Variants in NRXN3 observed in about 807,000 individuals in gnomAD.
NRXN3 encodes neurexin 3.
Under a neutral mutation model 137.6 loss-of-function variants are expected in NRXN3, and 32 were observed. The observed-to-expected ratio is 0.23, with a 90% CI of 0.18 to 0.31. The LOEUF (loss-of-function observed/expected upper bound fraction) is 0.31. Ranked by LOEUF, NRXN3 falls within the 10% of genes least tolerant of loss-of-function variation. The pLI, the probability that NRXN3 is intolerant of heterozygous loss-of-function variation, is 1.00. For synonymous variants in NRXN3, 798 were observed against 784.5 expected, an observed-to-expected ratio of 1.02 and a Z score of -0.29; for missense variants, 1,574 against 2,062.5, an observed-to-expected ratio of 0.76 and a Z score of 4.59.
At chr14:78,220,464 C>T (rs2063733472) in intron 1 of NRXN3, among the ~76,000 whole-genome samples, 1 of 152,082 alleles carries the variant, frequency 6.6e-6, no homozygotes, top group Non-Finnish European at 1.5e-5. Flanking sequence ...TTTTGGAAGC[C>T]ACTGGTAACT....
At chr14:78,361,353 TG>T (rs1207428027) in intron 4 of NRXN3, among the ~76,000 whole-genome samples, 1 of 152,202 alleles carries the variant, frequency 6.6e-6, no homozygotes, top group African/African-American at 2.4e-5. Context: ...AAGGAAGGAA[TG>T]GGACTAAGTT....
intron 10 of NRXN3, among the ~76,000 whole-genome samples, chr14:78,905,890 T>C (rs945399247): frequency 6.6e-6 from 1 of 151,984 alleles, no homozygotes; most frequent in Non-Finnish European, 1.5e-5. Flanking sequence ...ATTACCAAAA[T>C]CGTTACTTAA....
chr14:78,293,865 G>A (rs1361693870), intron 3 of NRXN3, among the ~76,000 whole-genome samples: 2 of 144,622 alleles, frequency 1.4e-5, no homozygotes, highest in Non-Finnish European at 3.2e-5. Flanking sequence ...TATTTGTATA[G>A]CATGCTGTTA....
intron 15 of NRXN3, among the ~76,000 whole-genome samples, chr14:79,310,256 T>G (rs1774675431): frequency 8.7e-6 from 1 of 115,150 alleles, no homozygotes; most frequent in Non-Finnish European, 1.7e-5. Flanking sequence ...TATGTGGCAT[T>G]ATTTCTGAGG....
At chr14:79,083,440 G>A (rs1289666832) in intron 15 of NRXN3, among the ~76,000 whole-genome samples, 1 of 152,146 alleles carries the variant, frequency 6.6e-6, no homozygotes, top group African/African-American at 2.4e-5. Context: ...CAAGAAGGAA[G>A]GAAACTTATA....
chr14:79,784,200 G>A (rs2099122415), intron 19 of NRXN3, among the ~76,000 whole-genome samples: 1 of 152,138 alleles, frequency 6.6e-6, no homozygotes, highest in South Asian at 2.1e-4. Flanking sequence ...TGTGCTCTGT[G>A]GTTATTAACC....
intron 16 of NRXN3, among the ~76,000 whole-genome samples, chr14:79,597,513 A>G (rs142065384): frequency 2.6e-4 from 40 of 152,334 alleles, no homozygotes; most frequent in African/African-American, 9.4e-4. Flanking sequence ...TCACAGAAAT[A>G]TTAGATGCAG....
At chr14:78,407,360 T>C (rs2092551576) in intron 4 of NRXN3, among the ~76,000 whole-genome samples, 1 of 152,178 alleles carries the variant, frequency 6.6e-6, no homozygotes, top group Non-Finnish European at 1.5e-5. Flanking sequence ...CTAAGCCCCC[T>C]ATCAAGGTGT....
chr14:79,697,531 T>C, intron 18 of NRXN3, 99 bp from the exon 19 acceptor site: 1 of 1,322,986 alleles, frequency 7.6e-7, no homozygotes, highest in Non-Finnish European at 1.0e-6. Context: ...CTTCAATTGC[T>C]CAAGGAAGCC....
chr14:78,742,196 G>C (rs1444778741), intron 8 of NRXN3, among the ~76,000 whole-genome samples: 3 of 152,160 alleles, frequency 2.0e-5, no homozygotes, highest in African/African-American at 7.2e-5. Flanking sequence ...AAGAATGTCT[G>C]AAAGCACAAC....
intron 15 of NRXN3, among the ~76,000 whole-genome samples, chr14:79,049,967 C>T (rs2099639548): frequency 6.6e-6 from 1 of 152,098 alleles, no homozygotes; most frequent in Non-Finnish European, 1.5e-5. Flanking sequence ...TTTTCTTCCA[C>T]CAGAATTTCT....
In NRXN3 at chr14:79,750,104, C is replaced by T. The variant is rs184220557; in HGVS notation, c.4014+52167C>T. Among the ~76,000 whole-genome samples, 487 of 152,096 alleles carry T rather than the reference C, an allele frequency of 3.2e-3. 2 individuals are homozygous for T. Among genetic ancestry groups the T allele is most frequent in the Middle Eastern group, 6.8e-3 (2 of 294 alleles). On this transcript the variant is annotated intron_variant, in intron 19 of 20. Coordinates refer to ENST00000335750, the MANE Select transcript of NRXN3 (RefSeq NM_001330195.2). ...TCCTAGCCCTTATAATTGACCAGTG[C>T]CTGGTAGGGGAAGGGCAGCAGAGAA...
chr14:78,873,741 C>A (rs1455406697), intron 10 of NRXN3, among the ~76,000 whole-genome samples: 1 of 152,150 alleles, frequency 6.6e-6, no homozygotes, highest in Non-Finnish European at 1.5e-5. Flanking sequence ...AGTGGTCTAG[C>A]AGCATGCATC....
chr14:78,955,316 G>T (rs1175216968), intron 10 of NRXN3, among the ~76,000 whole-genome samples: 3 of 152,170 alleles, frequency 2.0e-5, no homozygotes, highest in Admixed American at 6.5e-5. Flanking sequence ...TGCCCTCACT[G>T]TTGGCTGTTG....
chr14:79,128,368 T>C (rs1475618991), intron 15 of NRXN3, among the ~76,000 whole-genome samples: 1 of 148,352 alleles, frequency 6.7e-6, no homozygotes, highest in Non-Finnish European at 1.5e-5. Context: ...CCTAATTTAT[T>C]GAGAGTTTTT....
intron 4 of NRXN3, among the ~76,000 whole-genome samples, chr14:78,631,930 AC>A (rs906122715): frequency 7.3e-5 from 11 of 150,802 alleles, no homozygotes; most frequent in African/African-American, 2.4e-4. Context: ...ATTTGGTGAA[AC>A]CCCGTCTCTG....
At chr14:79,586,461 G>C (rs1316238703) in intron 16 of NRXN3, among the ~76,000 whole-genome samples, 1 of 152,142 alleles carries the variant, frequency 6.6e-6, no homozygotes, top group Non-Finnish European at 1.5e-5. Context: ...AATATGGTCA[G>C]ATGTTGGGTG....
At chr14:79,791,208 G>A (rs898160166) in intron 19 of NRXN3, 1 of 152,070 alleles carries the variant, frequency 6.6e-6, no homozygotes, top group Non-Finnish European at 1.5e-5. Context: ...AATGTCACCT[G>A]GTGACTAATG....
rs1244696280 is a variant in NRXN3, at chr14:79,828,778, CTTATT to C, written c.4093+23589_4093+23593del. ...GAGATGACACTTGGTAGTTCAGTGT[CTTATT>C]GTGCTTCTTCAAGCACATACAGCCT... is the stretch of plus-strand genomic sequence containing the variant. On this transcript the variant is annotated intron_variant, in intron 20 of 20. Transcript: ENST00000335750. Among the ~76,000 whole-genome samples the C allele has an allele frequency of 3.3e-5, 5 of 151,054 alleles. No homozygotes were observed. In the East Asian group the frequency reaches 9.8e-4, roughly 30 times the overall value.
Sources: allele counts gnomAD v4.1 joint callset (sites outside exome capture counted in the v4.1 genomes callset), GRCh38; gene constraint gnomAD v4.1.1; transcripts MANE v1.5; gene names NCBI Gene and HGNC (gene_info 2026-07-23, HGNC 2026-07-21).